BAZ2A: variants seen among roughly 807,000 people sequenced by gnomAD.
BAZ2A encodes the protein bromodomain adjacent to zinc finger domain protein 2A.
BAZ2A carries 34 observed loss-of-function variants against 199.9 expected under a neutral mutation model. That is an observed-to-expected ratio of 0.17 (90% CI 0.13 to 0.23). The LOEUF is 0.23. Among genes scored for constraint, BAZ2A ranks in the 10% least tolerant of loss-of-function variants. The probability of loss-of-function intolerance (pLI) is 1.00; values close to 1 mark genes in which losing one functional copy is unlikely to be tolerated. For synonymous variants in BAZ2A, 857 were observed against 883.9 expected (o/e 0.97, Z 0.54); for missense variants, 2,002 against 2,391.1 (o/e 0.84, Z 3.39).
chr12:56,630,236 G>A lies in BAZ2A; in HGVS notation c.-114C>T, dbSNP rs1412152406. ...CGGGTGGAGACGCCCGCTGGGGAGGGGGTCTGGGGTCCGGGGTTCGGGAAG... is the reference window on the plus strand; with the variant it reads ...CGGGTGGAGACGCCCGCTGGGGAGGAGGTCTGGGGTCCGGGGTTCGGGAAG... On this transcript the variant is annotated 5_prime_UTR_variant, in exon 1 of 29. Transcript: ENST00000549884. 1 of 984,264 alleles carries A rather than the reference G, an allele frequency of 1.0e-6. No individual in the cohort carries two copies. The highest frequency in any genetic ancestry group is 6.1e-5 in the Admixed American group (1 of 16,288). 61.0% of individuals were successfully genotyped at this position (984,264 alleles called of 1,614,324 possible).
At chr12:56,637,318 C>A (rs1227203926), upstream of BAZ2A, among the ~76,000 whole-genome samples, 1 of 152,220 alleles carries the variant, frequency 6.6e-6, no homozygotes, top group Non-Finnish European at 1.5e-5. Context: ...ACCTCTCAGT[C>A]GGCTAAAATG....
At chr12:56,603,298 A>C (rs772772292) in intron 18 of BAZ2A, 61 bp downstream of exon 18, 27 of 1,527,302 alleles carry the variant, frequency 1.8e-5, no homozygotes, top group African/African-American at 9.7e-5. Context: ...TTTAAAAAAG[A>C]AGCTGATCAA....
intron 1 of BAZ2A, among the ~76,000 whole-genome samples, chr12:56,623,357 C>A (rs1052589522): frequency 6.6e-6 from 1 of 152,182 alleles, no homozygotes; most frequent in African/African-American, 2.4e-5. Context: ...AGGCTACCCC[C>A]CAGGACAACA....
chr12:56,602,000 G>A lies in BAZ2A; in HGVS notation c.3617C>T (p.Pro1206Leu), dbSNP rs181469445. 2.8e-5 allele frequency: 43 copies of A among 1,555,378 alleles called. No individual in the cohort carries two copies. In the African/African-American group the frequency reaches 5.3e-4, roughly 19 times the overall value. ...CTGTTCTGAATCCTGACCCCTGACA[G>A]GGGACTTAAGATGCCTAGGTTGCAT... ...GSMQPRHLKSPVRGQDSEQPQ... is the reference protein window; with the variant it reads ...GSMQPRHLKSLVRGQDSEQPQ... Residue 1206 changes from proline to leucine, a missense_variant, in exon 20 of 29, where the codon CCT becomes CTT. By Grantham distance (98) the Pro-to-Leu change is moderately conservative. Coordinates refer to ENST00000549884, the MANE Select transcript of BAZ2A (RefSeq NM_001300905.2).
chr12:56,613,921 A>G (rs756856432), intron 4 of BAZ2A, 32 bp downstream of exon 4: 6 of 1,596,014 alleles, frequency 3.8e-6, no homozygotes, highest in African/African-American at 1.3e-5. Context: ...CTCTGCATGG[A>G]TAAGTTAAAG....
At chr12:56,610,799 A>T (rs1441553871) in intron 7 of BAZ2A, among the ~76,000 whole-genome samples, 1 of 152,166 alleles carries the variant, frequency 6.6e-6, no homozygotes, top group East Asian at 1.9e-4. Flanking sequence ...AGCTGCCAGA[A>T]ACCCCTCCCT....
At position 56,615,083 on chromosome 12, in the gene BAZ2A, TCTC is replaced by T. The variant is rs1950674662; in HGVS notation, c.658_660del (p.Glu220del). On this transcript the variant is annotated inframe_deletion, in exon 3 of 29. Coordinates refer to ENST00000549884, the MANE Select transcript of BAZ2A (RefSeq NM_001300905.2). ...CCATTCTCTGCCACAACTGAAGTCA[TCTC>T]CTTTTCTGCTGCCTCATCAGGATGG... 1 of 1,613,732 alleles carries T rather than the reference TCTC, an allele frequency of 6.2e-7. No homozygotes were observed. The highest frequency in any genetic ancestry group is 1.7e-5 in the Admixed American group (1 of 59,990).
At chr12:56,632,871 G>A (rs991074597), upstream of BAZ2A, among the ~76,000 whole-genome samples, 5 of 152,022 alleles carry the variant, frequency 3.3e-5, no homozygotes, top group African/African-American at 4.8e-5. Flanking sequence ...CTGCAGCTGT[G>A]CTTCTCCCCC....
intron 2 of BAZ2A, 25 bp from the exon 3 acceptor site, chr12:56,615,632 C>T (rs1248721989): frequency 2.0e-6 from 3 of 1,525,374 alleles, no homozygotes; most frequent in African/African-American, 1.4e-5. Flanking sequence ...AAGAAAAGGT[C>T]AGTTACAGAT....
Position 56,597,431 on chromosome 12 carries a change from C to T in BAZ2A, c.*1187G>A, listed in dbSNP as rs552146933. 1.3e-5 allele frequency: 2 copies of T among 152,218 alleles called. No homozygotes were observed. The highest frequency in any genetic ancestry group is 4.2e-4 in the South Asian group (2 of 4,792). The allele number at this position is 152,218 out of a possible 1,614,324, so 9.4% of individuals were successfully genotyped here. On this transcript the variant is annotated 3_prime_UTR_variant, in exon 29 of 29. Transcript: ENST00000549884. ...CAGGAGAGAGACACAGCCTTGTCTC[C>T]AGAGAAATTGTTCCTGTGGTTTCCC...
intron 21 of BAZ2A, 36 bp downstream of exon 21, chr12:56,601,142 CTG>C: frequency 6.2e-7 from 1 of 1,613,938 alleles, no homozygotes; most frequent in Non-Finnish European, 8.5e-7. Context: ...CTGTGAAGCA[CTG>C]CCCACACCGG....
At position 56,630,156 on chromosome 12, in the gene BAZ2A, C is replaced by A; in HGVS notation, c.-34G>T. 7 of 985,600 alleles carry A rather than the reference C, an allele frequency of 7.1e-6. No individual in the cohort carries two copies. The highest frequency in any genetic ancestry group is 7.2e-6 in the Non-Finnish European group (6 of 830,046). The allele number at this position is 985,600 out of a possible 1,614,324, so 61.1% of individuals were successfully genotyped here. On this transcript the variant is annotated 5_prime_UTR_variant, in exon 1 of 29. Coordinates refer to ENST00000549884, the MANE Select transcript of BAZ2A (RefSeq NM_001300905.2). The stretch of plus-strand genomic sequence containing the variant: ...CAGCGGCGTCCAGCCGGGCTCGGGG[C>A]TCGTCTCTCCCCGGGGTACAAGCGG...
chr12:56,626,142 G>T (rs879919213), intron 1 of BAZ2A, among the ~76,000 whole-genome samples: 5 of 152,044 alleles, frequency 3.3e-5, no homozygotes, highest in Admixed American at 1.3e-4. Flanking sequence ...TAACAAGCTG[G>T]TGAAAAATAG....
chr12:56,611,862 G>A lies in BAZ2A; in HGVS notation c.1520C>T (p.Ser507Phe). 2 of 1,601,502 alleles carry A rather than the reference G, an allele frequency of 1.2e-6. No homozygotes were observed. Among genetic ancestry groups the A allele is most frequent in the African/African-American group, 1.3e-5 (1 of 74,508 alleles). The change falls in exon 6 of 29, where the codon TCC becomes TTC. Residue 507 changes from serine (S) to phenylalanine (F), a missense_variant. Physicochemically the swap from Ser to Phe is radical, Grantham distance 155 (BLOSUM62 -2). This residue lies in a region of BAZ2A where 641 missense variants were observed against 694.5 expected (regional missense o/e 0.92). Transcript: ENST00000549884. ...GCTGCTGACATCCTTATTTGCTGGG[G>A]AGGCTGTTGGAAAGGCAGCTGCTGG... is the stretch of plus-strand genomic sequence containing the variant. ...TSPAAAFPTASPANKDVSSFL... is the reference protein window; with the variant it reads ...TSPAAAFPTAFPANKDVSSFL...
chr12:56,599,678 G>A, intron 26 of BAZ2A, 24 bp downstream of exon 26: 1 of 1,612,296 alleles, frequency 6.2e-7, no homozygotes, highest in Non-Finnish European at 8.5e-7. Flanking sequence ...TTTGAGTGTG[G>A]GAAAGAAAGA....
At chr12:56,605,028 T>A in intron 14 of BAZ2A, 45 bp downstream of exon 14, 12 of 1,531,858 alleles carry the variant, frequency 7.8e-6, no homozygotes, top group Non-Finnish European at 1.1e-5. Flanking sequence ...AGTAGTTACA[T>A]CTCCTTTACT....
Position 56,635,533 on chromosome 12 carries a change from C to T in BAZ2A, c.4+649G>A, listed in dbSNP as rs1354890844. On this transcript the variant is annotated intron_variant, in intron 1 of 29. Transcript: ENST00000379441. The surrounding 1 kb of genome is among the most constrained non-coding windows in gnomAD (Gnocchi z 4.1). ...AGCCACGAAGGCAAAAACCTCCTAT[C>T]CTCTCAACCTCAATCCTGCGTCCCA... Among the ~76,000 whole-genome samples, 1 of 152,162 alleles carries T rather than the reference C, an allele frequency of 6.6e-6. No individual in the cohort carries two copies. Among genetic ancestry groups the T allele is most frequent in the Non-Finnish European group, 1.5e-5 (1 of 68,026 alleles).
chr12:56,623,467 G>C (rs1422741209), intron 1 of BAZ2A, among the ~76,000 whole-genome samples: 1 of 152,110 alleles, frequency 6.6e-6, no homozygotes, highest in Non-Finnish European at 1.5e-5. Context: ...AATGGGGTTG[G>C]GGGGTGAGAG....
intron 1 of BAZ2A, among the ~76,000 whole-genome samples, chr12:56,629,522 C>T (rs1951223669): frequency 6.6e-6 from 1 of 152,150 alleles, no homozygotes; most frequent in African/African-American, 2.4e-5. Context: ...CCGGAGTGCG[C>T]GATTCTCCCG....
Sources: allele counts gnomAD v4.1 joint callset (sites outside exome capture counted in the v4.1 genomes callset), GRCh38; gene constraint gnomAD v4.1.1; regional missense constraint gnomAD v4.1.1; non-coding constraint Gnocchi (gnomAD v3.1); transcripts MANE v1.5; gene names NCBI Gene and HGNC (gene_info 2026-07-23, HGNC 2026-07-21).